Variants in PRPSAP2 observed in about 807,000 individuals in gnomAD.
The protein encoded by PRPSAP2 is phosphoribosyl pyrophosphate synthase-associated protein 2.
In PRPSAP2, 24 loss-of-function variants were observed where a neutral mutation model predicts 40.6. That is an observed-to-expected ratio of 0.59 (90% CI 0.43 to 0.83). PRPSAP2 has a LOEUF of 0.83. Ranked by LOEUF, PRPSAP2 falls within the 40% of genes least tolerant of loss-of-function variation. PRPSAP2 has a pLI of 0.00. For synonymous variants in PRPSAP2, 149 were observed against 164.7 expected, an observed-to-expected ratio of 0.90 and a Z score of 0.73; for missense variants, 292 against 465.6, an observed-to-expected ratio of 0.63 and a Z score of 3.43.
chr17:18,903,731 CA>C lies in PRPSAP2; in HGVS notation c.585-7365del, dbSNP rs1229836474. ...CCTGGGTGACAGCCAGACCCTGTCT[CA>C]AAAAAACAAAGTAAAATAAAAAGGT... On this transcript the variant is annotated intron_variant, in intron 8 of 11. Transcript: ENST00000268835. Among the ~76,000 whole-genome samples the C allele has an allele frequency of 2.0e-5, 3 of 151,924 alleles. No individual in the cohort carries two copies. The South Asian group carries it at 6.2e-4, about 32-fold the overall frequency.
In PRPSAP2 at chr17:18,882,797, A is replaced by G. The variant is rs368330321; in HGVS notation, c.528+114A>G. 1.6e-5 allele frequency: 11 copies of G among 683,086 alleles called. No individual in the cohort carries two copies. In the East Asian group the frequency reaches 2.0e-4, roughly 12 times the overall value. The allele number at this position is 683,086 out of a possible 1,614,324, so 42.3% of individuals were successfully genotyped here. A position where few individuals can be genotyped will look rare whatever the true frequency, so the allele number is the denominator to read the frequency against. On this transcript the variant is annotated intron_variant, in intron 7 of 11. Coordinates refer to ENST00000268835, the MANE Select transcript of PRPSAP2 (RefSeq NM_002767.4). ...AAACTTGATGTATTGTACTTAAAGTACCATTATACTTTATAGCTATAATCC... is the reference window on the plus strand; with the variant it reads ...AAACTTGATGTATTGTACTTAAAGTGCCATTATACTTTATAGCTATAATCC...
chr17:18,895,167 C>T (rs1336138337), intron 8 of PRPSAP2, among the ~76,000 whole-genome samples: 1 of 150,492 alleles, frequency 6.6e-6, no homozygotes, highest in Non-Finnish European at 1.5e-5. Context: ...TCACTACAGC[C>T]TTGAATTTTT....
chr17:18,908,265 C>T (rs1423466485), intron 8 of PRPSAP2: 34 of 764,860 alleles, frequency 4.4e-5, no homozygotes, highest in Admixed American at 2.3e-4. Flanking sequence ...GCCGAGCTGC[C>T]GCTTTCGCAG....
intron 8 of PRPSAP2, among the ~76,000 whole-genome samples, chr17:18,902,029 C>T (rs978741262): frequency 5.3e-5 from 8 of 152,158 alleles, no homozygotes; most frequent in African/African-American, 1.9e-4. Flanking sequence ...AGTAATCCTC[C>T]TGCCTTGGCC....
chr17:18,911,296 G>T lies in PRPSAP2; in HGVS notation c.733+45G>T. 1.3e-6 allele frequency: 2 copies of T among 1,558,300 alleles called. No individual in the cohort carries two copies. On this transcript the variant is annotated intron_variant, in intron 9 of 11. Coordinates refer to ENST00000268835, the MANE Select transcript of PRPSAP2 (RefSeq NM_002767.4). The surrounding 1 kb of genome is among the most constrained non-coding windows in gnomAD (Gnocchi z 4.5). Reference sequence around the variant, plus strand: ...TTTCCCACTTTCCTCTGATTTTAAGGCTGACTACACTGTTGTCTGTGTGGT... The same window carrying T: ...TTTCCCACTTTCCTCTGATTTTAAGTCTGACTACACTGTTGTCTGTGTGGT...
chr17:18,880,922 C>T (rs1382681257), intron 6 of PRPSAP2, among the ~76,000 whole-genome samples: 3 of 152,150 alleles, frequency 2.0e-5, no homozygotes, highest in Non-Finnish European at 4.4e-5. Context: ...CAACCTCCAC[C>T]TCCTGGATTC....
At chr17:18,883,096 T>G (rs1167773806) in intron 7 of PRPSAP2, among the ~76,000 whole-genome samples, 1 of 152,154 alleles carries the variant, frequency 6.6e-6, no homozygotes, top group African/African-American at 2.4e-5. Context: ...GAGCTGCTCA[T>G]GGGCTCCTTC....
intron 10 of PRPSAP2, 45 bp from the exon 11 acceptor site, chr17:18,928,766 T>G: frequency 1.2e-6 from 2 of 1,608,666 alleles, no homozygotes; most frequent in Non-Finnish European, 1.7e-6. Context: ...AACCTATTAT[T>G]GTAGAAGTGC....
At chr17:18,921,991 T>G (rs2041712352) in intron 9 of PRPSAP2, among the ~76,000 whole-genome samples, 2 of 152,086 alleles carry the variant, frequency 1.3e-5, no homozygotes, top group African/African-American at 4.8e-5. Context: ...CATGCCCCCA[T>G]CCCCCAGCCC....
At chr17:18,922,668 A>ATTTTTTTTTTTTTT (rs57263191) in intron 9 of PRPSAP2, among the ~76,000 whole-genome samples, 3 of 89,840 alleles carry the variant, frequency 3.3e-5, no homozygotes, top group Non-Finnish European at 6.3e-5. Flanking sequence ...TATATATATA[A>ATTTTTTTTTTTTTT]TTTTTTTTTT....
rs60559123 is a variant in PRPSAP2, at chr17:18,929,358, A to AAATAATAATAATAAT, written c.951+420_951+434dup. On this transcript the variant is annotated intron_variant, in intron 11 of 11. Transcript: ENST00000268835. ...GGTGACAGAATGAGACTCTTGTCTCAAATAATAATAATAATAATAATAATA... is the reference window on the plus strand; with the variant it reads ...GGTGACAGAATGAGACTCTTGTCTCAAATAATAATAATAATAATAATAATAATAATAATAATAATA... 8.0e-3 allele frequency among the ~76,000 whole-genome samples: 1,165 copies of AAATAATAATAATAAT among 144,760 alleles called. 17 individuals are homozygous for AAATAATAATAATAAT. The highest frequency in any genetic ancestry group is 0.026 in the African/African-American group (1,000 of 39,126). The allele number at this position is 144,760 out of a possible 152,430, so 95.0% of individuals were successfully genotyped here.
At chr17:18,908,012 C>A (rs1014834224) in intron 8 of PRPSAP2, among the ~76,000 whole-genome samples, 4 of 152,090 alleles carry the variant, frequency 2.6e-5, no homozygotes, top group African/African-American at 9.7e-5. Flanking sequence ...GGTGGCACAC[C>A]CTGTAATCCC....
At chr17:18,898,488 C>G (rs560142304) in intron 8 of PRPSAP2, among the ~76,000 whole-genome samples, 1 of 152,052 alleles carries the variant, frequency 6.6e-6, no homozygotes, top group Non-Finnish European at 1.5e-5. Flanking sequence ...ACACATTTTG[C>G]TGGTTTTCCT....
intron 8 of PRPSAP2, among the ~76,000 whole-genome samples, chr17:18,902,993 G>T (rs1269753563): frequency 1.3e-5 from 2 of 152,098 alleles, no homozygotes; most frequent in Non-Finnish European, 2.9e-5. Flanking sequence ...TGCAGGCAGG[G>T]CTGTGTTCCC....
At chr17:18,892,280 A>G (rs559462982) in intron 8 of PRPSAP2, among the ~76,000 whole-genome samples, 4 of 151,812 alleles carry the variant, frequency 2.6e-5, no homozygotes, top group South Asian at 2.1e-4. Flanking sequence ...TAGGACTCCT[A>G]TGGTCAGTCA....
At chr17:18,906,858 T>C (rs1342643665) in intron 8 of PRPSAP2, among the ~76,000 whole-genome samples, 1 of 152,188 alleles carries the variant, frequency 6.6e-6, no homozygotes, top group Non-Finnish European at 1.5e-5. Context: ...AATTTAAATT[T>C]CTTGAAATAA....
chr17:18,929,614 G>A (rs2042155767), intron 11 of PRPSAP2: 2 of 152,064 alleles, frequency 1.3e-5, no homozygotes, highest in Non-Finnish European at 1.5e-5. Flanking sequence ...TACAATGTGT[G>A]GTCTTTTGTG....
chr17:18,881,135 A>G (rs1484298104), intron 6 of PRPSAP2, among the ~76,000 whole-genome samples: 1 of 151,276 alleles, frequency 6.6e-6, no homozygotes, highest in Non-Finnish European at 1.5e-5. Context: ...CACCTGACCA[A>G]GACTTTAAAT....
intron 8 of PRPSAP2, among the ~76,000 whole-genome samples, chr17:18,892,745 A>ATTTTTTTTTTTT (rs1555554151): frequency 2.9e-4 from 37 of 125,760 alleles, no homozygotes; most frequent in Non-Finnish European, 4.0e-4. Context: ...TTATTTATTT[A>ATTTTTTTTTTTT]TTTTTTTGAG....
Sources: gnomAD v4.1 joint callset for allele counts (sites outside exome capture counted in the v4.1 genomes callset) on GRCh38, gnomAD v4.1.1 for gene constraint, Gnocchi (gnomAD v3.1) non-coding constraint, MANE v1.5 for transcripts, NCBI Gene and HGNC (gene_info 2026-07-23, HGNC 2026-07-21) for gene names.